The following DIAPH3 variants were observed in gnomAD, a reference collection of about 807,000 sequenced individuals.
DIAPH3 encodes diaphanous related formin 3, also known as protein diaphanous homolog 3.
In DIAPH3, 117 loss-of-function variants were observed where a neutral mutation model predicts 144.3. That is an observed-to-expected ratio of 0.81 (90% CI 0.70 to 0.95). The LOEUF is 0.95. DIAPH3 is among the 40% of genes least tolerant of loss of function. DIAPH3 has a pLI of 0.00. For synonymous variants in DIAPH3, 519 were observed against 488.9 expected (o/e 1.06, Z -0.81); for missense variants, 1,421 against 1,412.7 (o/e 1.01, Z -0.09).
chr13:60,091,579 C>T (rs1042301138), intron 4 of DIAPH3, among the ~76,000 whole-genome samples: 9 of 152,170 alleles, frequency 5.9e-5, no homozygotes, highest in African/African-American at 1.9e-4. Context: ...TGAGCCACCA[C>T]ACCTGGCCTT....
At chr13:59,681,016 T>C (rs2032915010) in intron 27 of DIAPH3, among the ~76,000 whole-genome samples, 5 of 152,020 alleles carry the variant, frequency 3.3e-5, no homozygotes, top group Admixed American at 3.3e-4. Flanking sequence ...TCATTTTATT[T>C]ATCTAATCTA....
intron 21 of DIAPH3, among the ~76,000 whole-genome samples, chr13:59,873,961 T>A (rs992711321): frequency 6.6e-6 from 1 of 152,164 alleles, no homozygotes; most frequent in African/African-American, 2.4e-5. Context: ...CATGAGCCAC[T>A]GCGCCTGGCC....
At chr13:59,811,523 G>A (rs1050167716) in intron 24 of DIAPH3, among the ~76,000 whole-genome samples, 3 of 152,204 alleles carry the variant, frequency 2.0e-5, no homozygotes, top group South Asian at 2.1e-4. Context: ...CGGATCATAA[G>A]GTCAGTAGAT....
intron 22 of DIAPH3, among the ~76,000 whole-genome samples, chr13:59,860,979 C>T (rs1355324120): frequency 6.6e-6 from 1 of 151,982 alleles, no homozygotes; most frequent in Non-Finnish European, 1.5e-5. Flanking sequence ...AGAGCACCAA[C>T]AAGTTGGGCA....
At chr13:59,968,715 T>G (rs1026092689) in intron 17 of DIAPH3, among the ~76,000 whole-genome samples, 2 of 152,240 alleles carry the variant, frequency 1.3e-5, no homozygotes, top group Admixed American at 1.3e-4. Flanking sequence ...ATTAATAATT[T>G]CTTAATTTAC....
chr13:59,834,406 A>G (rs2041936363), intron 23 of DIAPH3, among the ~76,000 whole-genome samples: 1 of 151,070 alleles, frequency 6.6e-6, no homozygotes, highest in Admixed American at 6.6e-5. Context: ...AACAGTATTC[A>G]GGCAGGCCAA....
At chr13:59,757,392 CTTTTTTTTTTTTTT>C (rs558678599) in intron 27 of DIAPH3, among the ~76,000 whole-genome samples, 6 of 93,064 alleles carry the variant, frequency 6.4e-5, no homozygotes, top group African/African-American at 1.6e-4. Context: ...ATGGGTCATC[CTTTTTTTTTTTTTT>C]TTTTTTTTTT....
chr13:60,014,007 T>C (rs2053458389), intron 7 of DIAPH3, among the ~76,000 whole-genome samples: 1 of 152,104 alleles, frequency 6.6e-6, no homozygotes, highest in South Asian at 2.1e-4. Context: ...AACAAAAATC[T>C]CTTAAGAGAA....
At position 60,163,834 on chromosome 13, in the gene DIAPH3, G is replaced by C; in HGVS notation, c.-68C>G. On this transcript the variant is annotated 5_prime_UTR_variant, in exon 1 of 28. Coordinates refer to ENST00000400324, the MANE Select transcript of DIAPH3 (RefSeq NM_001042517.2). The stretch of plus-strand genomic sequence containing the variant: ...AGCAAGCCGCAAGCTGGAAGCTGAG[G>C]GATCGACAACAGGTTTTACTCCCGG... The C allele has an allele frequency of 6.6e-7, 1 of 1,526,538 alleles. No individual in the cohort carries two copies. The highest frequency in any genetic ancestry group is 8.8e-7 in the Non-Finnish European group (1 of 1,139,782). The allele number at this position is 1,526,538 out of a possible 1,614,324, so 94.6% of individuals were successfully genotyped here.
rs35387511 is a variant in DIAPH3 at position 59,762,052 on chromosome 13, CTTTTTTTT to C, written c.3319+12129_3319+12136del. ...GCACCCAAGATGAAAGCGTCAGCAT[CTTTTTTTT>C]TTTTTTTTTTTTTTTTTTTTAGACA... On this transcript the variant is annotated intron_variant, in intron 27 of 27. Transcript: ENST00000400324. 5.1e-3 allele frequency among the ~76,000 whole-genome samples: 302 copies of C among 59,526 alleles called. 4 individuals carry two copies. The highest frequency in any genetic ancestry group is 0.019 in the African/African-American group (274 of 14,256). The allele number at this position is 59,526 out of a possible 152,430, so 39.1% of individuals were successfully genotyped here.
At chr13:59,791,696 G>C (rs1160700519) in intron 25 of DIAPH3, among the ~76,000 whole-genome samples, 2 of 152,194 alleles carry the variant, frequency 1.3e-5, no homozygotes, top group Admixed American at 1.3e-4. Flanking sequence ...CAAAGAGGTA[G>C]TAGCTTTCAG....
chr13:59,930,328 A>G (rs994303816), intron 17 of DIAPH3, among the ~76,000 whole-genome samples: 1 of 152,244 alleles, frequency 6.6e-6, no homozygotes, highest in African/African-American at 2.4e-5. Flanking sequence ...AAAATAAATG[A>G]CAATTATAAT....
intron 23 of DIAPH3, among the ~76,000 whole-genome samples, chr13:59,835,119 A>G (rs1263396717): frequency 2.0e-5 from 3 of 151,778 alleles, no homozygotes; most frequent in Non-Finnish European, 3.0e-5. Flanking sequence ...TTCCATTAAC[A>G]TACTTTATAA....
At chr13:59,952,101 G>C (rs925199548) in intron 17 of DIAPH3, among the ~76,000 whole-genome samples, 1 of 152,100 alleles carries the variant, frequency 6.6e-6, no homozygotes, top group Non-Finnish European at 1.5e-5. Flanking sequence ...ACTGACACAT[G>C]CTACAATGCA....
intron 27 of DIAPH3, among the ~76,000 whole-genome samples, chr13:59,743,663 C>A (rs1026760586): frequency 6.6e-6 from 1 of 152,144 alleles, no homozygotes; most frequent in Non-Finnish European, 1.5e-5. Context: ...ACTGAAGGGT[C>A]TCTTCTAGCC....
At chr13:59,701,288 C>A (rs1206392334) in intron 27 of DIAPH3, among the ~76,000 whole-genome samples, 1 of 152,106 alleles carries the variant, frequency 6.6e-6, no homozygotes, top group South Asian at 2.1e-4. Context: ...TGAAGGTAAT[C>A]ATTATACATC....
intron 20 of DIAPH3, among the ~76,000 whole-genome samples, chr13:59,908,369 CAA>C (rs773306723): frequency 7.3e-5 from 3 of 41,170 alleles, no homozygotes; most frequent in African/African-American, 2.9e-4. Context: ...GACTCTGTCT[CAA>C]AAAAAAAAAA....
rs1416285732 is a variant in DIAPH3, at chr13:59,971,034, G to C, written c.1777C>G (p.Pro593Ala). 5 of 1,611,988 alleles carry C rather than the reference G, an allele frequency of 3.1e-6. No homozygotes were observed. Among genetic ancestry groups the C allele is most frequent in the Non-Finnish European group, 3.4e-6 (4 of 1,178,962 alleles). ...SGGGVPPPPP[P>A]PPPPPLPGMR... ...CCTGGAAGTGGAGGAGGTGGTGGGGGAGGAGGTGGAGGCGGCACCCCTCCA... is the reference window on the plus strand; with the variant it reads ...CCTGGAAGTGGAGGAGGTGGTGGGGCAGGAGGTGGAGGCGGCACCCCTCCA... Residue 593 changes from proline to alanine, a missense_variant, in exon 16 of 28, where the codon CCC becomes GCC. Physicochemically the swap from Pro to Ala is conservative, Grantham distance 27. Transcript: ENST00000400324.
At chr13:59,906,487 GT>G (rs1299146031) in intron 20 of DIAPH3, among the ~76,000 whole-genome samples, 5 of 152,152 alleles carry the variant, frequency 3.3e-5, no homozygotes, top group African/African-American at 9.7e-5. Context: ...TTATTTGAAT[GT>G]TTTACAACAA....
Sources: allele counts gnomAD v4.1 joint callset (sites outside exome capture counted in the v4.1 genomes callset), GRCh38; gene constraint gnomAD v4.1.1; transcripts MANE v1.5; gene names NCBI Gene and HGNC (gene_info 2026-07-23, HGNC 2026-07-21).